The following ELOA variants were observed in gnomAD, a reference collection of about 807,000 sequenced individuals.
The protein encoded by ELOA is elongin A, also known as elongin-A.
A neutral mutation model predicts 85.2 loss-of-function variants in ELOA; 15 were observed. That is an observed-to-expected ratio of 0.18 (90% confidence interval 0.12 to 0.27). The LOEUF (loss-of-function observed/expected upper bound fraction) is 0.27, where lower values mean the gene tolerates loss of function less well. ELOA is among the 10% of genes least tolerant of loss of function. The probability of loss-of-function intolerance (pLI) is 1.00; values close to 1 mark genes in which losing one functional copy is unlikely to be tolerated. For missense variants in ELOA, 769 were observed against 952.7 expected (o/e 0.81, Z 2.54); for synonymous variants, 348 against 357.2 (o/e 0.97, Z 0.29).
At position 23,760,148 on chromosome 1, in the gene ELOA, CAG is replaced by C. The variant is rs1026763422; in HGVS notation, c.*576_*577del. On this transcript the variant is annotated 3_prime_UTR_variant, in exon 11 of 11. Coordinates refer to ENST00000613537, the MANE Select transcript of ELOA (RefSeq NM_003198.3). ...CCCCAAGGGAGCCTCAGTGGGGCGACAGGGTGCTCGGCGGACTCCACCTCAGG... is the reference window on the plus strand; with the variant it reads ...CCCCAAGGGAGCCTCAGTGGGGCGACGGTGCTCGGCGGACTCCACCTCAGG... 10 of 153,000 alleles carry C rather than the reference CAG, an allele frequency of 6.5e-5. No individual in the cohort carries two copies. The highest frequency in any genetic ancestry group is 1.9e-4 in the African/African-American group (8 of 41,450). 9.5% of individuals were successfully genotyped at this position (153,000 alleles called of 1,614,324 possible).
At chr1:23,746,855 G>A (rs1417253270) in intron 1 of ELOA, among the ~76,000 whole-genome samples, 2 of 152,098 alleles carry the variant, frequency 1.3e-5, no homozygotes, top group Non-Finnish European at 2.9e-5. Context: ...AGCAAGTTTC[G>A]ATCCACCTGA....
In ELOA at chr1:23,757,080, G is replaced by A; in HGVS notation, c.2212G>A (p.Val738Ile). The A allele has an allele frequency of 7.5e-6, 12 of 1,607,052 alleles. No individual in the cohort carries two copies. Among genetic ancestry groups the A allele is most frequent in the African/African-American group, 4.0e-5 (3 of 74,618 alleles). ...CAGCAGTGCCCACTTGGCACCAGTG[G>A]TCAGCAGCACTGTTTCCTATGATCC... ...STSSAHLAPV[V>I]SSTVSYDPRK... The change falls in exon 10 of 11, where the codon GTC becomes ATC. Residue 738 changes from valine (V) to isoleucine (I), a missense_variant. Around this residue, in one of 4 missense-constraint regions of ELOA, gnomAD observed 116 missense variants for 141.0 expected, o/e 0.82. Transcript: ENST00000613537.
At chr1:23,744,398 C>T (rs1335507786) in intron 1 of ELOA, 2 of 151,178 alleles carry the variant, frequency 1.3e-5, no homozygotes, top group Non-Finnish European at 1.5e-5. Context: ...TTTCATCTTT[C>T]TGTCACTCAC....
intron 5 of ELOA, among the ~76,000 whole-genome samples, chr1:23,753,815 A>G (rs1644783118): frequency 6.6e-6 from 1 of 152,024 alleles, no homozygotes; most frequent in South Asian, 2.1e-4. Flanking sequence ...TGCAGCCTCC[A>G]CCTCCTAGGT....
rs1638263803 is a variant in ELOA, at chr1:23,759,539, T to C, written c.2285T>C (p.Ile762Thr). The stretch of plus-strand genomic sequence containing the variant: ...ATTGCCCCAATGATGGCCAAGACAA[T>C]TAAAGCTTTCAAGAACAGATTCTCC... ...KKIAPMMAKT[I>T]KAFKNRFSRR The change falls in exon 11 of 11, where the codon ATT becomes ACT. Residue 762 changes from isoleucine to threonine, a missense_variant. Physicochemically the swap from Ile to Thr is moderately conservative, Grantham distance 89. Transcript: ENST00000613537. 6.2e-7 allele frequency: 1 copy of C among 1,614,180 alleles called. No individual in the cohort carries two copies. The highest frequency in any genetic ancestry group is 2.2e-5 in the East Asian group (1 of 44,892).
At chr1:23,758,259 ATTTTTTTTTT>A (rs1162019928) in intron 10 of ELOA, among the ~76,000 whole-genome samples, 18 of 41,956 alleles carry the variant, frequency 4.3e-4, no homozygotes, top group Non-Finnish European at 8.4e-5. Context: ...TTATTTATTT[ATTTTTTTTTT>A]TTTTTTTTTT....
intron 4 of ELOA, among the ~76,000 whole-genome samples, 184 bp downstream of exon 4, chr1:23,752,214 C>A (rs1427187375): frequency 6.6e-6 from 1 of 152,232 alleles, no homozygotes; most frequent in Admixed American, 6.5e-5. Context: ...TAAGAATTTT[C>A]TGCATTATTC....
chr1:23,756,489 CTG>C (rs1644795353), intron 9 of ELOA, 104 bp downstream of exon 9: 4 of 986,878 alleles, frequency 4.1e-6, no homozygotes, highest in African/African-American at 1.6e-5. Flanking sequence ...GCAGTGCAGA[CTG>C]TGGGCTCTGG....
Position 23,743,488 on chromosome 1 carries a change from C to T in ELOA, c.-16C>T. Reference sequence around the variant, plus strand: ...GCGAGCCCAGTTCCGGCGAGGAGGCCGCGCCAGTGACAGCGATGGCGGCGG... The same window carrying T: ...GCGAGCCCAGTTCCGGCGAGGAGGCTGCGCCAGTGACAGCGATGGCGGCGG... On this transcript the variant is annotated 5_prime_UTR_variant, in exon 1 of 11. Transcript: ENST00000613537. The T allele has an allele frequency of 1.3e-6, 2 of 1,504,704 alleles. No individual in the cohort carries two copies. Among genetic ancestry groups the T allele is most frequent in the South Asian group, 1.2e-5 (1 of 80,818 alleles). 93.2% of individuals were successfully genotyped at this position (1,504,704 alleles called of 1,614,324 possible).
At chr1:23,756,876 C>T (rs1363233897) in intron 9 of ELOA, 77 bp from the exon 10 acceptor site, 1 of 1,387,550 alleles carries the variant, frequency 7.2e-7, no homozygotes, top group African/African-American at 1.5e-5. Flanking sequence ...CATCCTCACA[C>T]AGGCCAGCTT....
chr1:23,759,430 A>G (rs1638260605), intron 10 of ELOA, 82 bp from the exon 11 acceptor site: 1 of 1,367,204 alleles, frequency 7.3e-7, no homozygotes, highest in South Asian at 1.2e-5. Flanking sequence ...AGAATAGCAG[A>G]GCTGGCTTTG....
chr1:23,751,935 A>G lies in ELOA; in HGVS notation c.1330A>G (p.Thr444Ala), dbSNP rs559076647. 9 of 1,613,734 alleles carry G rather than the reference A, an allele frequency of 5.6e-6. No homozygotes were observed. The highest frequency in any genetic ancestry group is 3.3e-5 in the South Asian group (3 of 91,010). ...ACTTAAAAAAAATGACTCTAAAAGC[A>G]CTGGTAAAAACTTGGACTCAGTTCA... ...KGLKKNDSKS[T>A]GKNLDSVQKL... Residue 444 changes from threonine (T) to alanine (A), a missense_variant, in exon 4 of 11, where the codon ACT (threonine) becomes GCT (alanine). By Grantham distance (58) the Thr-to-Ala change is moderately conservative. Around this residue, in one of 4 missense-constraint regions of ELOA, gnomAD observed 193 missense variants for 278.9 expected, o/e 0.69. Coordinates refer to ENST00000613537, the MANE Select transcript of ELOA (RefSeq NM_003198.3).
Position 23,761,585 on chromosome 1 carries a change from G to A in ELOA, c.*2012G>A, listed in dbSNP as rs1336445212. ...GAGCCCTGTTTGCATAGAGCCAGAT[G>A]TTTTCCCCTCCCCCAAGAGTATCTA... On this transcript the variant is annotated 3_prime_UTR_variant, in exon 11 of 11. Transcript: ENST00000613537. The A allele has an allele frequency of 2.0e-5, 3 of 152,126 alleles. No individual in the cohort carries two copies. Among genetic ancestry groups the A allele is most frequent in the Non-Finnish European group, 4.4e-5 (3 of 68,022 alleles). 9.4% of individuals were successfully genotyped at this position (152,126 alleles called of 1,614,324 possible).
chr1:23,753,403 A>G (rs1218608573), intron 5 of ELOA, among the ~76,000 whole-genome samples: 1 of 152,208 alleles, frequency 6.6e-6, no homozygotes, highest in African/African-American at 2.4e-5. Flanking sequence ...GGTTTATCAC[A>G]TAGTAATTGT....
chr1:23,754,558 C>T (rs547541903), intron 7 of ELOA, 98 bp downstream of exon 7: 150 of 943,154 alleles, frequency 1.6e-4, no homozygotes, highest in Non-Finnish European at 2.3e-4. Context: ...AAGGGCAGAT[C>T]AGTGGTCAGA....
chr1:23,754,550 G>A, intron 7 of ELOA, 90 bp downstream of exon 7: 1 of 1,009,110 alleles, frequency 9.9e-7, no homozygotes, highest in Non-Finnish European at 1.5e-6. Flanking sequence ...TGTGGCTGAA[G>A]GGCAGATCAG....
In ELOA at chr1:23,756,336, A is replaced by C; in HGVS notation, c.2035A>C (p.Arg679=). The change falls in exon 9 of 11, where the codon AGG becomes CGG. Residue 679 remains arginine, a synonymous_variant. Transcript: ENST00000613537. ...CAAGCCACCTCGTGACGTCCGGAGG[A>C]GGCAGGAAAAGTTTGGAACGGGAGG... ...VAKPPRDVRR[R]QEKFGTGGAA... The C allele has an allele frequency of 6.3e-7, 1 of 1,582,670 alleles. No homozygotes were observed.
Position 23,751,469 on chromosome 1 carries a change from T to C in ELOA, c.864T>C (p.Asn288=). 1 of 1,613,834 alleles carries C rather than the reference T, an allele frequency of 6.2e-7. No homozygotes were observed. The highest frequency in any genetic ancestry group is 8.5e-7 in the Non-Finnish European group (1 of 1,179,988). The change falls in exon 4 of 11, where the codon AAT becomes AAC. Residue 288 remains asparagine, a synonymous_variant. Transcript: ENST00000613537. ...ACCGAAGGCCACCCTCAGGGGACAATGCAAGGGAGAAACCGCCCTCTAGTG... is the reference window on the plus strand; with the variant it reads ...ACCGAAGGCCACCCTCAGGGGACAACGCAAGGGAGAAACCGCCCTCTAGTG... The part of the protein sequence containing the change: ...EENRRPPSGD[N]AREKPPSSGV...
In ELOA at chr1:23,750,851, T is replaced by C. The variant is rs745872483; in HGVS notation, c.246T>C (p.Ala82=). 1.3e-4 allele frequency: 207 copies of C among 1,574,796 alleles called. No homozygotes were observed. Among genetic ancestry groups the C allele is most frequent in the Non-Finnish European group, 1.4e-4 (162 of 1,165,134 alleles). Residue 82 remains alanine, a synonymous_variant, in exon 4 of 11, where the codon GCT becomes GCC. Coordinates refer to ENST00000613537, the MANE Select transcript of ELOA (RefSeq NM_003198.3). Reference sequence around the variant, plus strand: ...GCTTTTTCTTTTATTTTAGAAATGCTGAGCCTGATGAACAGGACTTTGAGA... The same window carrying C: ...GCTTTTTCTTTTATTTTAGAAATGCCGAGCCTGATGAACAGGACTTTGAGA... ...WKKLVPVERN[A]EPDEQDFEKS...
Sources: allele counts gnomAD v4.1 joint callset (sites outside exome capture counted in the v4.1 genomes callset), GRCh38; gene constraint gnomAD v4.1.1; regional missense constraint gnomAD v4.1.1; transcripts MANE v1.5; gene names NCBI Gene and HGNC (gene_info 2026-07-23, HGNC 2026-07-21).